ADRA1A: variants seen among roughly 807,000 people sequenced by gnomAD.
ADRA1A encodes alpha-1A adrenergic receptor.
Under a neutral mutation model 29.6 loss-of-function variants are expected in ADRA1A, and 31 were observed. The ratio of observed to expected loss-of-function variants is 1.05; its 90% CI spans 0.79 to 1.41. The LOEUF (loss-of-function observed/expected upper bound fraction) is 1.41. Ranked by LOEUF, ADRA1A falls within the 40% of genes most tolerant of loss-of-function variation. ADRA1A has a pLI of 0.00. For synonymous variants in ADRA1A, 311 were observed against 254.3 expected (o/e 1.22, Z -2.12); for missense variants, 619 against 601.1 (o/e 1.03, Z -0.31).
chr8:26,853,094 T>A (rs1812754749), intron 2 of ADRA1A, among the ~76,000 whole-genome samples: 1 of 151,846 alleles, frequency 6.6e-6, no homozygotes, highest in Admixed American at 6.6e-5. Context: ...TTAACAAAAT[T>A]AAAAATTCAT....
intron 2 of ADRA1A, among the ~76,000 whole-genome samples, chr8:26,750,584 C>T (rs1369106306): frequency 1.3e-5 from 2 of 152,212 alleles, no homozygotes; most frequent in Non-Finnish European, 2.9e-5. Context: ...GCCCCACCTC[C>T]AAATAGTTTT....
chr8:26,865,427 C>T lies in ADRA1A; in HGVS notation c.-458G>A, dbSNP rs866984610. 13 of 1,003,086 alleles carry T rather than the reference C, an allele frequency of 1.3e-5. No homozygotes were observed. Among genetic ancestry groups the T allele is most frequent in the Middle Eastern group, 5.1e-4 (1 of 1,964 alleles). The allele number at this position is 1,003,086 out of a possible 1,614,324, so 62.1% of individuals were successfully genotyped here. ...ATTCAAAACTCCAGCGCCAGTCTCT[C>T]CCTCAAACCAAAAGATCAGCCGTCG... On this transcript the variant is annotated 5_prime_UTR_variant, in exon 2 of 3. Transcript: ENST00000380573. The surrounding 1 kb of genome is among the most constrained non-coding windows in gnomAD (Gnocchi z 7.6).
At chr8:26,766,019 G>T, downstream of ADRA1A, 1 of 1,612,110 alleles carries the variant, frequency 6.2e-7, no homozygotes, top group Non-Finnish European at 8.5e-7. Flanking sequence ...CTCCTCATTT[G>T]CAGACTGCCT....
intron 2 of ADRA1A, among the ~76,000 whole-genome samples, chr8:26,776,282 G>A (rs1806542474): frequency 1.3e-5 from 2 of 152,216 alleles, no homozygotes. Context: ...CTCAGAATGA[G>A]GGTGACTTGA....
chr8:26,766,013 T>A, downstream of ADRA1A: 1 of 1,612,008 alleles, frequency 6.2e-7, no homozygotes, highest in Non-Finnish European at 8.5e-7. Context: ...AGCTGACTCC[T>A]CATTTGCAGA....
chr8:26,778,709 C>T (rs1806727403), intron 2 of ADRA1A, among the ~76,000 whole-genome samples: 1 of 148,766 alleles, frequency 6.7e-6, no homozygotes, highest in African/African-American at 2.5e-5. Context: ...AAACCAAACA[C>T]CGCATGTTCT....
Position 26,864,406 on chromosome 8 carries a change from T to C in ADRA1A, c.564A>G (p.Ser188=). 6.2e-7 allele frequency: 1 copy of C among 1,613,562 alleles called. No homozygotes were observed. The highest frequency in any genetic ancestry group is 8.5e-7 in the Non-Finnish European group (1 of 1,180,002). ...GAGGCAGGTAGAAGGAGCCCAGCGC[T>C]GAGAAGAGCACGTAGCCCGGCTCCT... ...INEEPGYVLF[S]ALGSFYLPLA... The change falls in exon 2 of 3, where the codon TCA becomes TCG. Residue 188 remains serine, a synonymous_variant. Coordinates refer to ENST00000380573, the MANE Select transcript of ADRA1A (RefSeq NM_000680.4). The surrounding 1 kb of genome is among the most constrained non-coding windows in gnomAD (Gnocchi z 8.1).
At chr8:26,781,526 C>T (rs1806983273) in intron 2 of ADRA1A, among the ~76,000 whole-genome samples, 1 of 152,242 alleles carries the variant, frequency 6.6e-6, no homozygotes, top group East Asian at 1.9e-4. Flanking sequence ...GAAACAGAGC[C>T]TGTCTTAACT....
chr8:26,865,539 C>T lies in ADRA1A; in HGVS notation c.-570G>A. 3 of 992,530 alleles carry T rather than the reference C, an allele frequency of 3.0e-6. No homozygotes were observed. The highest frequency in any genetic ancestry group is 3.6e-6 in the Non-Finnish European group (3 of 834,378). 61.5% of individuals were successfully genotyped at this position (992,530 alleles called of 1,614,324 possible). On this transcript the variant is annotated 5_prime_UTR_variant, in exon 2 of 3. Coordinates refer to ENST00000380573, the MANE Select transcript of ADRA1A (RefSeq NM_000680.4). This position sits in a 1 kb window ranked among gnomAD's most constrained non-coding sequence, Gnocchi z 7.6. ...GGCCCGCAGTTACCTACATTTTGAGCTGCCCCACCGAAGGCTCCTGCTCTC... is the reference window on the plus strand; with the variant it reads ...GGCCCGCAGTTACCTACATTTTGAGTTGCCCCACCGAAGGCTCCTGCTCTC...
intron 2 of ADRA1A, among the ~76,000 whole-genome samples, chr8:26,851,871 A>G (rs1038893427): frequency 1.3e-5 from 2 of 152,166 alleles, no homozygotes; most frequent in African/African-American, 4.8e-5. Flanking sequence ...TAATGGTAAG[A>G]TAAATAAAGA....
intron 2 of ADRA1A, chr8:26,854,245 T>A (rs1286950218): frequency 6.6e-6 from 1 of 152,244 alleles, no homozygotes; most frequent in Non-Finnish European, 1.5e-5. Context: ...GCCTGAAGAT[T>A]GGCTGGGCAC....
At chr8:26,803,276 G>A (rs1808726936) in intron 2 of ADRA1A, among the ~76,000 whole-genome samples, 1 of 152,080 alleles carries the variant, frequency 6.6e-6, no homozygotes, top group Admixed American at 6.5e-5. Flanking sequence ...TAGAGGTGAT[G>A]AAAACCTCAT....
intron 2 of ADRA1A, among the ~76,000 whole-genome samples, chr8:26,782,503 A>G (rs572491220): frequency 7.9e-5 from 12 of 152,282 alleles, no homozygotes; most frequent in Non-Finnish European, 1.8e-4. Flanking sequence ...CATTTTTGAA[A>G]ATAGGAATTG....
intron 2 of ADRA1A, among the ~76,000 whole-genome samples, chr8:26,802,415 G>T (rs1808651968): frequency 1.3e-5 from 2 of 152,124 alleles, no homozygotes; most frequent in Non-Finnish European, 1.5e-5. Context: ...ATGGGTGAAA[G>T]ATATGAATAG....
intron 2 of ADRA1A, among the ~76,000 whole-genome samples, chr8:26,791,107 A>G (rs1364183147): frequency 6.6e-6 from 1 of 152,176 alleles, no homozygotes; most frequent in Non-Finnish European, 1.5e-5. Flanking sequence ...GCTTTTTACC[A>G]GCCTTTATGT....
In ADRA1A at chr8:26,864,244, C is replaced by A. The variant is rs145465951; in HGVS notation, c.726G>T (p.Pro242=). ...VTLRIHRKNA[P]AGGSGMASAK... The stretch of plus-strand genomic sequence containing the variant: ...CGCTGGCCATCCCGCTGCCTCCTGC[C>A]GGGGCGTTTTTCCGATGGATGCGGA... The change falls in exon 2 of 3, where the codon CCG becomes CCT. Residue 242 remains proline (P), a synonymous_variant. Coordinates refer to ENST00000380573, the MANE Select transcript of ADRA1A (RefSeq NM_000680.4). This position sits in a 1 kb window ranked among gnomAD's most constrained non-coding sequence, Gnocchi z 8.1. The A allele has an allele frequency of 1.2e-6, 2 of 1,614,196 alleles. No individual in the cohort carries two copies. The highest frequency in any genetic ancestry group is 1.7e-6 in the Non-Finnish European group (2 of 1,180,042).
In ADRA1A at chr8:26,805,106, T is replaced by C. The variant is rs1808874431; in HGVS notation, c.884-34440A>G. Among the ~76,000 whole-genome samples, 2 of 152,296 alleles carry C rather than the reference T, an allele frequency of 1.3e-5. No homozygotes were observed. Among genetic ancestry groups the C allele is most frequent in the South Asian group, 4.1e-4 (2 of 4,832 alleles). ...ATTTTGTTTCTAATGCTGTTGGTTG[T>C]TTGCATGCTAATTCTAGACTAGGAA... On this transcript the variant is annotated intron_variant, in intron 2 of 2. Coordinates refer to ENST00000380573, the MANE Select transcript of ADRA1A (RefSeq NM_000680.4). This position sits in a 1 kb window ranked among gnomAD's most constrained non-coding sequence, Gnocchi z 4.8.
chr8:26,791,391 G>A (rs1159752842), intron 2 of ADRA1A, among the ~76,000 whole-genome samples: 1 of 152,094 alleles, frequency 6.6e-6, no homozygotes, highest in Admixed American at 6.6e-5. Flanking sequence ...TTGCCAAATT[G>A]CTCTCTGGAG....
intron 2 of ADRA1A, among the ~76,000 whole-genome samples, chr8:26,776,691 G>GAGAAGA (rs1806574169): frequency 6.6e-6 from 1 of 152,186 alleles, no homozygotes; most frequent in African/African-American, 2.4e-5. Context: ...CAGAGATAAG[G>GAGAAGA]AGAAAGAAGA....
Sources: allele counts gnomAD v4.1 joint callset (sites outside exome capture counted in the v4.1 genomes callset), GRCh38; gene constraint gnomAD v4.1.1; non-coding constraint Gnocchi (gnomAD v3.1); transcripts MANE v1.5; gene names NCBI Gene and HGNC (gene_info 2026-07-23, HGNC 2026-07-21).